Variants in LMTK3 observed in about 807,000 individuals in gnomAD.
The protein encoded by LMTK3 is lemur tail kinase 3.
A neutral mutation model predicts 116.7 loss-of-function variants in LMTK3; 27 were observed. The ratio of observed to expected loss-of-function variants is 0.23; its 90% CI spans 0.17 to 0.32. LMTK3 has a LOEUF of 0.32. Ranked by LOEUF, LMTK3 falls within the 10% of genes least tolerant of loss-of-function variation. The pLI is 1.00. For missense variants in LMTK3, 1,764 were observed against 2,068.5 expected (o/e 0.85, Z 2.86); for synonymous variants, 965 against 971.0 (o/e 0.99, Z 0.11).
intron 1 of LMTK3, 47 bp downstream of exon 1, chr19:48,511,454 C>T (rs1972658268): frequency 1.2e-6 from 1 of 860,548 alleles, no homozygotes; most frequent in Non-Finnish European, 1.6e-6. Context: ...GCGAGGCCGC[C>T]GCGGGGGTGG....
Position 48,497,811 on chromosome 19 carries a change from G to A in LMTK3, c.3258C>T (p.Pro1086=). 7.2e-7 allele frequency: 1 copy of A among 1,386,990 alleles called. No homozygotes were observed. The highest frequency in any genetic ancestry group is 1.7e-5 in the South Asian group (1 of 58,600). The allele number at this position is 1,386,990 out of a possible 1,614,324, so 85.9% of individuals were successfully genotyped here. A position where few individuals can be genotyped will look rare whatever the true frequency, so the allele number is the denominator to read the frequency against. ...GPAPKNGTLE[P]GTERRAPETG... ...TCTCGGGGGCTCTCCTCTCGGTCCCGGGTTCCAGCGTCCCGTTCTTGGGGG... is the reference window on the plus strand; with the variant it reads ...TCTCGGGGGCTCTCCTCTCGGTCCCAGGTTCCAGCGTCCCGTTCTTGGGGG... The change falls in exon 11 of 15, where the codon CCC becomes CCT. Residue 1086 remains proline, a synonymous_variant. Transcript: ENST00000600059. This position sits in a 1 kb window ranked among gnomAD's most constrained non-coding sequence, Gnocchi z 5.7.
rs559173824 is a variant in LMTK3, at chr19:48,485,354, C to A, written c.*419G>T. ...TTGAACCAGAGGCCCCTCCAGGGGC[C>A]GGGCTGGGGAGGGAAAGGGGAGACG... On this transcript the variant is annotated 3_prime_UTR_variant, in exon 15 of 15. Transcript: ENST00000600059. 1 of 172,136 alleles carries A rather than the reference C, an allele frequency of 5.8e-6. No homozygotes were observed. The highest frequency in any genetic ancestry group is 2.4e-5 in the African/African-American group (1 of 42,012). 10.7% of individuals were successfully genotyped at this position (172,136 alleles called of 1,614,324 possible). A position where few individuals can be genotyped will look rare whatever the true frequency, so the allele number is the denominator to read the frequency against.
intron 5 of LMTK3, among the ~76,000 whole-genome samples, chr19:48,503,829 TCCTCCCTCCCTTCCTTCCTTCCTTCCTC>T (rs1972516907): frequency 6.6e-6 from 1 of 150,956 alleles, no homozygotes; most frequent in South Asian, 2.1e-4. Context: ...CTTCCTTGCT[TCCTCCCTCCCTTCCTTCCTTCCTTCCTC>T]CCTCCCTCCC....
Position 48,497,344 on chromosome 19 carries a change from T to C in LMTK3, c.3676+49A>G. On this transcript the variant is annotated intron_variant, in intron 11 of 14. Coordinates refer to ENST00000600059, the MANE Select transcript of LMTK3 (RefSeq NM_001388485.1). This position sits in a 1 kb window ranked among gnomAD's most constrained non-coding sequence, Gnocchi z 5.7. ...TACCCACACTCACCCTCCGCACGCC[T>C]CGGAAACAGCCGGACCTCAGCCCTG... The C allele has an allele frequency of 7.1e-7, 1 of 1,414,846 alleles. No homozygotes were observed. Among genetic ancestry groups the C allele is most frequent in the Non-Finnish European group, 9.3e-7 (1 of 1,078,116 alleles). 87.6% of individuals were successfully genotyped at this position (1,414,846 alleles called of 1,614,324 possible). A position where few individuals can be genotyped will look rare whatever the true frequency, so the allele number is the denominator to read the frequency against.
Position 48,497,375 on chromosome 19 carries a change from G to A in LMTK3, c.3676+18C>T. The A allele has an allele frequency of 6.8e-7, 1 of 1,460,040 alleles. No individual in the cohort carries two copies. The highest frequency in any genetic ancestry group is 2.7e-5 in the East Asian group (1 of 36,634). The allele number at this position is 1,460,040 out of a possible 1,614,324, so 90.4% of individuals were successfully genotyped here. A position where few individuals can be genotyped will look rare whatever the true frequency, so the allele number is the denominator to read the frequency against. On this transcript the variant is annotated intron_variant, in intron 11 of 14. Transcript: ENST00000600059. The surrounding 1 kb of genome is among the most constrained non-coding windows in gnomAD (Gnocchi z 5.7). ...ACAGCCGGACCTCAGCCCTGACTGT[G>A]CCCCGCAGCCTCCTCACCTTTGATC...
chr19:48,509,193 G>A (rs1244415015), intron 4 of LMTK3, among the ~76,000 whole-genome samples: 1 of 152,124 alleles, frequency 6.6e-6, no homozygotes, highest in Non-Finnish European at 1.5e-5. Flanking sequence ...GGACGGACGC[G>A]TGGAGAGCCG....
intron 14 of LMTK3, 32 bp from the exon 15 acceptor site, chr19:48,485,821 A>T: frequency 1.3e-6 from 2 of 1,599,088 alleles, no homozygotes; most frequent in Admixed American, 1.7e-5. Context: ...AGAGAAATGA[A>T]ATTACTAGGG....
Position 48,499,800 on chromosome 19 carries a change from TGGC to T in LMTK3, c.1266_1268del (p.Pro426del). ...GGAAGGGACCGTCTCGGGGTGGGGG[TGGC>T]GGCGGTGGGGGCCGGGGAGGCCGCT... On this transcript the variant is annotated inframe_deletion, in exon 11 of 15. Transcript: ENST00000600059. 1 of 430,050 alleles carries T rather than the reference TGGC, an allele frequency of 2.3e-6. No individual in the cohort carries two copies. Among genetic ancestry groups the T allele is most frequent in the Non-Finnish European group, 3.2e-6 (1 of 310,654 alleles). 26.6% of individuals were successfully genotyped at this position (430,050 alleles called of 1,614,324 possible).
Position 48,497,495 on chromosome 19 carries a change from TGAGTGCCGTGTCTCCGCC to T in LMTK3, c.3556_3573del (p.Gly1186_Leu1191del). On this transcript the variant is annotated inframe_deletion, in exon 11 of 15. Transcript: ENST00000600059. This position sits in a 1 kb window ranked among gnomAD's most constrained non-coding sequence, Gnocchi z 5.7. ...GGCTTGGGGGGGTCCCCGTCTCCGC[TGAGTGCCGTGTCTCCGCC>T]GGCCCTGCTGTCTGGGGCCCCGGGC... The T allele has an allele frequency of 6.8e-7, 1 of 1,469,052 alleles. No individual in the cohort carries two copies. Among genetic ancestry groups the T allele is most frequent in the Non-Finnish European group, 9.0e-7 (1 of 1,112,280 alleles). 91.0% of individuals were successfully genotyped at this position (1,469,052 alleles called of 1,614,324 possible).
Position 48,501,332 on chromosome 19 carries a change from G to A in LMTK3, c.952C>T (p.Leu318Phe). The A allele has an allele frequency of 1.2e-6, 2 of 1,613,482 alleles. No individual in the cohort carries two copies. Among genetic ancestry groups the A allele is most frequent in the Non-Finnish European group, 1.7e-6 (2 of 1,179,796 alleles). Residue 318 changes from leucine (L) to phenylalanine (F), a missense_variant, in exon 9 of 15, where the codon CTC becomes TTC. Transcript: ENST00000600059. ...TCCACCACCATGAAGGTCCCGTGGA[G>A]CTCCCCGAGGAGCTCGGGCGCCGCC... ...RWAAPELLGELHGTFMVVDQS... is the reference protein window; with the variant it reads ...RWAAPELLGEFHGTFMVVDQS...
At chr19:48,513,394 G>A (rs1316964073), upstream of LMTK3, 2 of 583,172 alleles carry the variant, frequency 3.4e-6, no homozygotes, top group Non-Finnish European at 6.1e-6. This position sits in a 1 kb window ranked among gnomAD's most constrained non-coding sequence, Gnocchi z 5.6. Flanking sequence ...CTGCCCCAAG[G>A]CACACAAGCC....
chr19:48,489,148 T>C (rs554167476), intron 14 of LMTK3, among the ~76,000 whole-genome samples: 55 of 152,260 alleles, frequency 3.6e-4, no homozygotes, highest in Admixed American at 6.5e-5. Flanking sequence ...GTGGTCAGTG[T>C]CTGCGGGGAG....
At chr19:48,496,367 C>G (rs568970020) in intron 11 of LMTK3, among the ~76,000 whole-genome samples, 23 of 151,578 alleles carry the variant, frequency 1.5e-4, no homozygotes, top group African/African-American at 5.1e-4. Context: ...GGCACAATCT[C>G]GGCTCGGTGC....
upstream of LMTK3, chr19:48,513,010 C>T (rs559315676): frequency 1.9e-3 from 1,498 of 772,882 alleles, 3 homozygotes; most frequent in Non-Finnish European, 1.7e-3. This position sits in a 1 kb window ranked among gnomAD's most constrained non-coding sequence, Gnocchi z 5.6. Context: ...GTTACAAAGA[C>T]ACAGAACCCC....
Position 48,502,993 on chromosome 19 carries a change from G to T in LMTK3, c.561C>A (p.Ser187Arg), listed in dbSNP as rs754595048. The change falls in exon 6 of 15, where the codon AGC becomes AGA. Residue 187 changes from serine (S) to arginine (R), a missense_variant. Coordinates refer to ENST00000600059, the MANE Select transcript of LMTK3 (RefSeq NM_001388485.1). Reference protein sequence around the residue: ...KFISEAQPYRSLQHPNVLQCL... With the variant: ...KFISEAQPYRRLQHPNVLQCL... Reference sequence around the variant, plus strand: ...ACTGGAGGACATTGGGGTGCTGCAGGCTCCTGTGGAGTGAGGAGGTGGCTG... The same window carrying T: ...ACTGGAGGACATTGGGGTGCTGCAGTCTCCTGTGGAGTGAGGAGGTGGCTG... 1.9e-6 allele frequency: 3 copies of T among 1,609,548 alleles called. No homozygotes were observed. Among genetic ancestry groups the T allele is most frequent in the Admixed American group, 1.7e-5 (1 of 59,796 alleles).
intron 12 of LMTK3, among the ~76,000 whole-genome samples, chr19:48,492,638 G>T (rs1456215909): frequency 6.6e-6 from 1 of 151,974 alleles, no homozygotes; most frequent in Admixed American, 6.6e-5. Context: ...TTCCCTAGTG[G>T]GTAAGATCTG....
At chr19:48,493,301 G>C (rs1407258965) in intron 12 of LMTK3, among the ~76,000 whole-genome samples, 1 of 115,732 alleles carries the variant, frequency 8.6e-6, no homozygotes, top group Admixed American at 9.4e-5. Flanking sequence ...CTCTAGGCTC[G>C]ACCTCCCTCC....
At chr19:48,489,242 C>T (rs1972178581) in intron 14 of LMTK3, among the ~76,000 whole-genome samples, 1 of 152,196 alleles carries the variant, frequency 6.6e-6, no homozygotes, top group Admixed American at 6.5e-5. Context: ...GATCAGAAAA[C>T]ATTGACTTAA....
In LMTK3 at chr19:48,499,112, C is replaced by A; in HGVS notation, c.1957G>T (p.Asp653Tyr). 6.4e-7 allele frequency: 1 copy of A among 1,559,542 alleles called. No individual in the cohort carries two copies. Among genetic ancestry groups the A allele is most frequent in the Non-Finnish European group, 8.6e-7 (1 of 1,157,426 alleles). ...EEEEGSSPGE[D>Y]SSSLGGGPSR... ...GGGCCACCTCCAAGGCTGCTGCTGT[C>A]TTCCCCTGGGGAGCTGCCCTCCTCC... The change falls in exon 11 of 15, where the codon GAC becomes TAC. Residue 653 changes from aspartate (D) to tyrosine (Y), a missense_variant. Around this residue, in one of 7 missense-constraint regions of LMTK3, gnomAD observed 1,028 missense variants for 1,050.6 expected, o/e 0.98. Transcript: ENST00000600059.
Sources: allele counts gnomAD v4.1 joint callset (sites outside exome capture counted in the v4.1 genomes callset), GRCh38; gene constraint gnomAD v4.1.1; regional missense constraint gnomAD v4.1.1; non-coding constraint Gnocchi (gnomAD v3.1); transcripts MANE v1.5; gene names NCBI Gene and HGNC (gene_info 2026-07-23, HGNC 2026-07-21).